CCBE1: variants seen among roughly 807,000 people sequenced by gnomAD.
CCBE1 encodes the protein collagen and calcium-binding EGF domain-containing protein 1.
CCBE1 carries 37 observed loss-of-function variants against 50.0 expected under a neutral mutation model. That is an observed-to-expected ratio of 0.74 (90% CI 0.57 to 0.97). The LOEUF is 0.97. Ranked by LOEUF, CCBE1 falls within the 50% of genes least tolerant of loss-of-function variation. The probability of loss-of-function intolerance (pLI) is 0.00; values close to 1 mark genes in which losing one functional copy is unlikely to be tolerated. For synonymous variants in CCBE1, 234 were observed against 203.7 expected, an observed-to-expected ratio of 1.15 and a Z score of -1.27; for missense variants, 538 against 523.8, an observed-to-expected ratio of 1.03 and a Z score of -0.26.
chr18:59,447,174 A>G (rs1455911249), intron 7 of CCBE1, among the ~76,000 whole-genome samples: 1 of 152,216 alleles, frequency 6.6e-6, no homozygotes, highest in Non-Finnish European at 1.5e-5. Flanking sequence ...CACATTCACA[A>G]GAATTTCTTT....
chr18:59,529,943 CA>C (rs1914984125), intron 2 of CCBE1, among the ~76,000 whole-genome samples: 1 of 152,150 alleles, frequency 6.6e-6, no homozygotes, highest in Non-Finnish European at 1.5e-5. Flanking sequence ...CAGACATTAG[CA>C]AGTATCAGAA....
At chr18:59,563,955 T>C (rs2052780248) in intron 2 of CCBE1, 1 of 152,114 alleles carries the variant, frequency 6.6e-6, no homozygotes, top group Non-Finnish European at 1.5e-5. Flanking sequence ...AACAGCAGCA[T>C]AGACGTGAGA....
intron 2 of CCBE1, among the ~76,000 whole-genome samples, chr18:59,570,821 G>A (rs2052901338): frequency 6.6e-6 from 1 of 152,162 alleles, no homozygotes; most frequent in Non-Finnish European, 1.5e-5. Context: ...CAGCACACTG[G>A]CTCCAGGAGA....
At chr18:59,489,164 G>A (rs1238864012) in intron 2 of CCBE1, among the ~76,000 whole-genome samples, 2 of 152,208 alleles carry the variant, frequency 1.3e-5, no homozygotes, top group Non-Finnish European at 1.5e-5. Flanking sequence ...ATGATTAAAG[G>A]CATATGATTG....
At chr18:59,543,751 C>T (rs1381089076) in intron 2 of CCBE1, among the ~76,000 whole-genome samples, 2 of 140,290 alleles carry the variant, frequency 1.4e-5, no homozygotes, top group African/African-American at 5.2e-5. Flanking sequence ...AGGAGAATGG[C>T]GTGAACCCGG....
At chr18:59,651,402 A>G (rs949044678) in intron 2 of CCBE1, among the ~76,000 whole-genome samples, 11 of 152,214 alleles carry the variant, frequency 7.2e-5, no homozygotes, top group Admixed American at 3.9e-4. Context: ...TTTTTGGGAC[A>G]GGTTTTTAAA....
At chr18:59,632,416 GGCATCC>G (rs2053861222) in intron 2 of CCBE1, among the ~76,000 whole-genome samples, 1 of 151,868 alleles carries the variant, frequency 6.6e-6, no homozygotes, top group Non-Finnish European at 1.5e-5. Context: ...TAGGATTACA[GGCATCC>G]GCCACCATGC....
At chr18:59,602,684 G>T (rs142540764) in intron 2 of CCBE1, among the ~76,000 whole-genome samples, 14 of 152,250 alleles carry the variant, frequency 9.2e-5, no homozygotes, top group Admixed American at 2.6e-4. Flanking sequence ...ACCAGGAAAG[G>T]CCTTATGGGA....
At chr18:59,635,620 A>G (rs2144635105) in intron 2 of CCBE1, among the ~76,000 whole-genome samples, 1 of 152,328 alleles carries the variant, frequency 6.6e-6, no homozygotes, top group East Asian at 1.9e-4. Context: ...CAGGAAGAGA[A>G]GAAGATATTT....
Position 59,433,160 on chromosome 18 carries a change from C to T in CCBE1, c.*2748G>A, listed in dbSNP as rs750720598. On this transcript the variant is annotated 3_prime_UTR_variant, in exon 11 of 11. Transcript: ENST00000439986. The stretch of plus-strand genomic sequence containing the variant: ...GATGCTAGATAAAGAGCACCCCACC[C>T]TAAAAAGAAATTTTTTCTTTTTAAA... 2 of 152,096 alleles carry T rather than the reference C, an allele frequency of 1.3e-5. No individual in the cohort carries two copies. Among genetic ancestry groups the T allele is most frequent in the Non-Finnish European group, 2.9e-5 (2 of 68,016 alleles). 9.4% of individuals were successfully genotyped at this position (152,096 alleles called of 1,614,324 possible). A position where few individuals can be genotyped will look rare whatever the true frequency, so the allele number is the denominator to read the frequency against.
At chr18:59,454,733 C>A in intron 6 of CCBE1, 118 bp downstream of exon 6, 1 of 884,304 alleles carries the variant, frequency 1.1e-6, no homozygotes, top group South Asian at 1.4e-5. Context: ...ACCTCACTGG[C>A]ATCAACTGCG....
intron 2 of CCBE1, among the ~76,000 whole-genome samples, chr18:59,644,396 C>T (rs1239516349): frequency 6.6e-6 from 1 of 152,176 alleles, no homozygotes; most frequent in Non-Finnish European, 1.5e-5. Context: ...TCTATTGATT[C>T]GATGTGTAAG....
At chr18:59,520,104 C>T (rs1914535646) in intron 2 of CCBE1, among the ~76,000 whole-genome samples, 1 of 152,162 alleles carries the variant, frequency 6.6e-6, no homozygotes, top group Non-Finnish European at 1.5e-5. Context: ...AGTCAGGCAG[C>T]ATGATGCCTC....
intron 2 of CCBE1, among the ~76,000 whole-genome samples, chr18:59,485,594 A>C (rs2143788735): frequency 6.8e-6 from 1 of 147,340 alleles, no homozygotes; most frequent in South Asian, 2.1e-4. Flanking sequence ...ATATTTATTT[A>C]TTTATTTATT....
chr18:59,431,668 T>C lies in CCBE1; in HGVS notation c.*4240A>G, dbSNP rs1421761048. On this transcript the variant is annotated 3_prime_UTR_variant, in exon 11 of 11. Transcript: ENST00000439986. Reference sequence around the variant, plus strand: ...GGAAAGATGGCCAAAGCCAGGGTGCTCTTCGCTGGTATTTGGTGGGGTAAT... The same window carrying C: ...GGAAAGATGGCCAAAGCCAGGGTGCCCTTCGCTGGTATTTGGTGGGGTAAT... 1 of 152,272 alleles carries C rather than the reference T, an allele frequency of 6.6e-6. No individual in the cohort carries two copies. Among genetic ancestry groups the C allele is most frequent in the African/African-American group, 2.4e-5 (1 of 41,468 alleles). 9.4% of individuals were successfully genotyped at this position (152,272 alleles called of 1,614,324 possible).
intron 6 of CCBE1, among the ~76,000 whole-genome samples, chr18:59,448,908 A>G (rs749997): frequency 0.29 from 43,661 of 152,030 alleles, 7,216 homozygotes; most frequent in African/African-American, 0.45. Flanking sequence ...TGCTGACATC[A>G]CTGTGTCATA....
At chr18:59,587,492 G>A (rs182718609) in intron 2 of CCBE1, among the ~76,000 whole-genome samples, 231 of 152,288 alleles carry the variant, frequency 1.5e-3, no homozygotes, top group African/African-American at 5.2e-3. Context: ...TTTTAATCCC[G>A]TTATATTAGT....
chr18:59,668,419 A>AATG (rs2054385603), intron 2 of CCBE1, among the ~76,000 whole-genome samples: 1 of 122,084 alleles, frequency 8.2e-6, no homozygotes, highest in African/African-American at 5.8e-5. Flanking sequence ...TCCATCTCAA[A>AATG]ATAATAATAA....
chr18:59,589,237 G>A (rs577858955), intron 2 of CCBE1, among the ~76,000 whole-genome samples: 4 of 152,124 alleles, frequency 2.6e-5, no homozygotes, highest in Non-Finnish European at 5.9e-5. Flanking sequence ...TAGTTATCTA[G>A]GAGAGGATAG....
Sources: gnomAD v4.1 joint callset for allele counts (sites outside exome capture counted in the v4.1 genomes callset) on GRCh38, gnomAD v4.1.1 for gene constraint, MANE v1.5 for transcripts, NCBI Gene and HGNC (gene_info 2026-07-23, HGNC 2026-07-21) for gene names.